Variants in SMURF2 observed in about 807,000 individuals in gnomAD.
The protein encoded by SMURF2 is SMAD specific E3 ubiquitin protein ligase 2.
A neutral mutation model predicts 109.6 loss-of-function variants in SMURF2; 48 were observed. The observed-to-expected ratio is 0.44, with a 90% confidence interval of 0.35 to 0.56. The LOEUF (loss-of-function observed/expected upper bound fraction) is 0.56. Among genes scored for constraint, SMURF2 ranks in the 20% least tolerant of loss-of-function variants. The probability of loss-of-function intolerance (pLI) is 0.01; values close to 1 mark genes in which losing one functional copy is unlikely to be tolerated. For missense variants in SMURF2, 575 were observed against 909.0 expected (o/e 0.63, Z 4.72); for synonymous variants, 288 against 317.1 (o/e 0.91, Z 0.97).
At chr17:64,641,364 A>G (rs1028549697) in intron 1 of SMURF2, among the ~76,000 whole-genome samples, 2 of 152,190 alleles carry the variant, frequency 1.3e-5, no homozygotes, top group African/African-American at 4.8e-5. Context: ...AAAAAAAACA[A>G]AAAGTAGCAG....
intron 1 of SMURF2, among the ~76,000 whole-genome samples, chr17:64,628,981 C>T (rs193254014): frequency 1.3e-5 from 2 of 152,274 alleles, no homozygotes; most frequent in Admixed American, 1.3e-4. Flanking sequence ...CTTACCCCCA[C>T]CCTTCAAAAG....
intron 16 of SMURF2, among the ~76,000 whole-genome samples, chr17:64,548,651 G>A (rs782766663): frequency 2.6e-5 from 4 of 152,102 alleles, no homozygotes; most frequent in Non-Finnish European, 5.9e-5. Context: ...GCCTCCCAAA[G>A]TGCTAGGATT....
chr17:64,638,961 A>T (rs1555692357), intron 1 of SMURF2, among the ~76,000 whole-genome samples: 1 of 152,230 alleles, frequency 6.6e-6, no homozygotes, highest in Admixed American at 6.5e-5. Context: ...GCCCACAGCC[A>T]TTCCAATGCC....
chr17:64,625,944 T>C (rs1404585524), intron 1 of SMURF2, among the ~76,000 whole-genome samples: 3 of 152,126 alleles, frequency 2.0e-5, no homozygotes, highest in Non-Finnish European at 4.4e-5. Flanking sequence ...ATCCACATAC[T>C]CTTCCAAATG....
chr17:64,588,176 A>G (rs1969692224), intron 5 of SMURF2, among the ~76,000 whole-genome samples: 1 of 152,044 alleles, frequency 6.6e-6, no homozygotes, highest in African/African-American at 2.4e-5. Context: ...AAAAATCACA[A>G]AAAAGGTATA....
At chr17:64,660,210 A>T (rs1173727593) in intron 1 of SMURF2, among the ~76,000 whole-genome samples, 1 of 152,214 alleles carries the variant, frequency 6.6e-6, no homozygotes, top group East Asian at 1.9e-4. Context: ...CATTTTCTCT[A>T]CATAGCCCAG....
At chr17:64,557,191 G>A (rs1427175274) in intron 13 of SMURF2, among the ~76,000 whole-genome samples, 2 of 152,140 alleles carry the variant, frequency 1.3e-5, no homozygotes, top group African/African-American at 4.8e-5. Flanking sequence ...ACCCCTCTTT[G>A]AGGTACAAAT....
At chr17:64,591,918 T>C (rs1969756722) in intron 4 of SMURF2, among the ~76,000 whole-genome samples, 1 of 152,190 alleles carries the variant, frequency 6.6e-6, no homozygotes, top group African/African-American at 2.4e-5. Flanking sequence ...AAATTCAATA[T>C]TACTGCACAT....
intron 10 of SMURF2, among the ~76,000 whole-genome samples, chr17:64,564,214 C>T (rs1004980978): frequency 6.6e-6 from 1 of 152,162 alleles, no homozygotes; most frequent in East Asian, 1.9e-4. Context: ...AGACTGGAAA[C>T]AACCCAAATG....
chr17:64,597,944 A>G (rs1380199984), intron 3 of SMURF2, among the ~76,000 whole-genome samples: 2 of 152,186 alleles, frequency 1.3e-5, no homozygotes. Context: ...GCTGTTTTCC[A>G]GTAAAAGCTT....
chr17:64,585,493 T>C (rs1969640369), intron 6 of SMURF2, among the ~76,000 whole-genome samples: 1 of 152,124 alleles, frequency 6.6e-6, no homozygotes, highest in Non-Finnish European at 1.5e-5. Context: ...TGTAAATAAA[T>C]ATAAACCAAA....
At position 64,642,456 on chromosome 17, in the gene SMURF2, G is replaced by T. The variant is rs1555692652; in HGVS notation, c.52+19373C>A. Among the ~76,000 whole-genome samples the T allele has an allele frequency of 2.6e-5, 4 of 152,290 alleles. No homozygotes were observed. In the South Asian group the frequency reaches 8.3e-4, roughly 32 times the overall value. On this transcript the variant is annotated intron_variant, in intron 1 of 18. Coordinates refer to ENST00000262435, the MANE Select transcript of SMURF2 (RefSeq NM_022739.4). The stretch of plus-strand genomic sequence containing the variant: ...CTATATAATCCTACTAAATGTAGTA[G>T]TTATTTATTATGGCCTAAATTAATC...
chr17:64,581,299 G>A lies in SMURF2; in HGVS notation c.570-308C>T, dbSNP rs184678664. On this transcript the variant is annotated intron_variant, in intron 7 of 18. Coordinates refer to ENST00000262435, the MANE Select transcript of SMURF2 (RefSeq NM_022739.4). This position sits in a 1 kb window ranked among gnomAD's most constrained non-coding sequence, Gnocchi z 4.3. ...CAAAACACTGCTTGATCTAGCTATAGCCTCTCCCTCAGACCTGACTTCCCA... is the reference window on the plus strand; with the variant it reads ...CAAAACACTGCTTGATCTAGCTATAACCTCTCCCTCAGACCTGACTTCCCA... Among the ~76,000 whole-genome samples the A allele has an allele frequency of 1.3e-5, 2 of 152,216 alleles. No individual in the cohort carries two copies. Among genetic ancestry groups the A allele is most frequent in the Admixed American group, 6.5e-5 (1 of 15,300 alleles).
At chr17:64,561,976 G>A (rs1376790243) in intron 11 of SMURF2, among the ~76,000 whole-genome samples, 4 of 151,672 alleles carry the variant, frequency 2.6e-5, no homozygotes, top group Non-Finnish European at 5.9e-5. Context: ...CTCCAGCCTG[G>A]GTGACAGAGC....
chr17:64,589,444 G>A (rs1969718503), intron 5 of SMURF2, among the ~76,000 whole-genome samples: 1 of 150,088 alleles, frequency 6.7e-6, no homozygotes, highest in African/African-American at 2.5e-5. Flanking sequence ...GGAATTATCA[G>A]TAATGATGTA....
At chr17:64,603,547 A>T (rs1969927033) in intron 2 of SMURF2, among the ~76,000 whole-genome samples, 1 of 150,672 alleles carries the variant, frequency 6.6e-6, no homozygotes, top group Non-Finnish European at 1.5e-5. Context: ...ACGCCACTGC[A>T]CTCTAGCCGG....
rs782802334 is a variant in SMURF2 at position 64,557,742 on chromosome 17, C to G, written c.1317-20G>C. 1.6e-5 allele frequency: 23 copies of G among 1,456,854 alleles called. No individual in the cohort carries two copies. The highest frequency in any genetic ancestry group is 2.2e-5 in the Non-Finnish European group (23 of 1,053,366). The allele number at this position is 1,456,854 out of a possible 1,614,324, so 90.2% of individuals were successfully genotyped here. A position where few individuals can be genotyped will look rare whatever the true frequency, so the allele number is the denominator to read the frequency against. ...CATTCCCTAGAAAACAAGATATGAC[C>G]AAGGAATTTTTTTGTTAATGTATAC... is the stretch of plus-strand genomic sequence containing the variant. On this transcript the variant is annotated intron_variant, in intron 12 of 18. Transcript: ENST00000262435.
Position 64,548,906 on chromosome 17 carries a change from A to G in SMURF2, c.1870-1105T>C, listed in dbSNP as rs138838734. 6.8e-3 allele frequency among the ~76,000 whole-genome samples: 1,039 copies of G among 152,298 alleles called. 12 individuals are homozygous for G. Among genetic ancestry groups the G allele is most frequent in the African/African-American group, 0.023 (971 of 41,552 alleles). On this transcript the variant is annotated intron_variant, in intron 16 of 18. Coordinates refer to ENST00000262435, the MANE Select transcript of SMURF2 (RefSeq NM_022739.4). ...AGCAGTGAATTCCATGTATACTATA[A>G]AACATAACTTGCAAATCCTGTATTT...
intron 1 of SMURF2, among the ~76,000 whole-genome samples, chr17:64,624,927 T>C (rs1313485550): frequency 2.0e-5 from 3 of 152,130 alleles, no homozygotes; most frequent in African/African-American, 7.2e-5. Context: ...TGTGGCCACA[T>C]TTGCAGTATG....
Sources: allele counts gnomAD v4.1 joint callset (sites outside exome capture counted in the v4.1 genomes callset), GRCh38; gene constraint gnomAD v4.1.1; non-coding constraint Gnocchi (gnomAD v3.1); transcripts MANE v1.5; gene names NCBI Gene and HGNC (gene_info 2026-07-23, HGNC 2026-07-21).